Variants in MRPL39 observed in about 807,000 individuals in gnomAD.
MRPL39 encodes the protein large ribosomal subunit protein mL39.
Under a neutral mutation model 44.5 loss-of-function variants are expected in MRPL39, and 35 were observed. The observed-to-expected ratio is 0.79, with a 90% CI of 0.60 to 1.04. The LOEUF (loss-of-function observed/expected upper bound fraction) is 1.04, where lower values mean the gene tolerates loss of function less well. Among genes scored for constraint, MRPL39 ranks in the 50% least tolerant of loss-of-function variants. The pLI is 0.00. For synonymous variants in MRPL39, 139 were observed against 136.1 expected, an observed-to-expected ratio of 1.02 and a Z score of -0.15; for missense variants, 433 against 413.5, an observed-to-expected ratio of 1.05 and a Z score of -0.41.
At chr21:25,589,734 A>G (rs2031112601) in intron 8 of MRPL39, among the ~76,000 whole-genome samples, 1 of 152,270 alleles carries the variant, frequency 6.6e-6, no homozygotes, top group Non-Finnish European at 1.5e-5. Flanking sequence ...GAGCTCATAA[A>G]ATCTATAATA....
intron 3 of MRPL39, among the ~76,000 whole-genome samples, chr21:25,601,672 A>G (rs1378050273): frequency 6.6e-6 from 1 of 152,218 alleles, no homozygotes; most frequent in African/African-American, 2.4e-5. Context: ...CATGAACCTC[A>G]GGTTCTTAGC....
chr21:25,607,382 C>G, intron 1 of MRPL39, 21 bp downstream of exon 1: 5 of 1,613,746 alleles, frequency 3.1e-6, no homozygotes, highest in Non-Finnish European at 4.2e-6. Flanking sequence ...GCTCCCTGTC[C>G]CTACGGCCTC....
At chr21:25,594,256 T>TAC (rs1272022227) in intron 6 of MRPL39, among the ~76,000 whole-genome samples, 2 of 148,330 alleles carry the variant, frequency 1.3e-5, no homozygotes, top group Non-Finnish European at 3.0e-5. Context: ...GTTCTTTTTT[T>TAC]TTTTTTTTTT....
intron 2 of MRPL39, among the ~76,000 whole-genome samples, chr21:25,604,251 T>G (rs1485111190): frequency 6.6e-6 from 1 of 152,048 alleles, no homozygotes; most frequent in Non-Finnish European, 1.5e-5. Flanking sequence ...AGAGCGAGAC[T>G]CTGTCTCAAA....
chr21:25,586,861 CAG>C (rs1416090781), intron 9 of MRPL39, among the ~76,000 whole-genome samples: 1 of 152,130 alleles, frequency 6.6e-6, no homozygotes, highest in Non-Finnish European at 1.5e-5. Flanking sequence ...TTCTTTATGC[CAG>C]AGCCCCACAT....
At chr21:25,594,956 C>T (rs921211856) in intron 6 of MRPL39, among the ~76,000 whole-genome samples, 1 of 152,212 alleles carries the variant, frequency 6.6e-6, no homozygotes, top group Non-Finnish European at 1.5e-5. Flanking sequence ...TTCCTTGATT[C>T]CTTTCTCCTA....
intron 3 of MRPL39, among the ~76,000 whole-genome samples, chr21:25,602,617 TTA>T (rs1601382578): frequency 6.6e-6 from 1 of 152,190 alleles, no homozygotes. Flanking sequence ...ATTCGACCGT[TTA>T]TGTTACAAGA....
intron 3 of MRPL39, among the ~76,000 whole-genome samples, chr21:25,602,063 T>C (rs1178044735): frequency 6.6e-6 from 1 of 152,192 alleles, no homozygotes; most frequent in African/African-American, 2.4e-5. Context: ...TACCTGTCCA[T>C]TGTGTTCCCC....
chr21:25,589,421 A>AAT (rs2031102996), intron 8 of MRPL39, among the ~76,000 whole-genome samples: 1 of 148,570 alleles, frequency 6.7e-6, no homozygotes, highest in Non-Finnish European at 1.5e-5. Flanking sequence ...ACAATAGTAA[A>AAT]TTTTTTTTTT....
At chr21:25,601,124 G>A (rs4817034) in intron 4 of MRPL39, among the ~76,000 whole-genome samples, 106,625 of 151,924 alleles carry the variant, frequency 0.7, 38,867 homozygotes, top group Non-Finnish European at 0.82. Context: ...ATAAATAAAC[G>A]CTGAGATAGT....
chr21:25,596,738 G>A (rs1401814970), intron 6 of MRPL39, among the ~76,000 whole-genome samples: 1 of 151,632 alleles, frequency 6.6e-6, no homozygotes, highest in East Asian at 1.9e-4. Flanking sequence ...TTAGATTAAT[G>A]TTAAAATTTA....
At chr21:25,607,506 C>T (rs1215267350), upstream of MRPL39, 1 of 1,604,258 alleles carries the variant, frequency 6.2e-7, no homozygotes, top group Non-Finnish European at 8.5e-7. Context: ...CGCGCAAGTC[C>T]TTCTCCGCCC....
Position 25,606,515 on chromosome 21 carries a change from T to C in MRPL39, c.214A>G (p.Lys72Glu), listed in dbSNP as rs199984357. Reference sequence around the variant, plus strand: ...ACGAAGACAGTACCGGGGTCAGTTTTCCCAACATGCTTAACTTCTATCTTC... The same window carrying C: ...ACGAAGACAGTACCGGGGTCAGTTTCCCCAACATGCTTAACTTCTATCTTC... ...TEKIEVKHVG[K>E]TDPGTVFVMN... is the part of the protein sequence containing the mutation. The change falls in exon 2 of 10, where the codon AAA becomes GAA. Residue 72 changes from lysine to glutamate, a missense_variant. Lys to Glu is a moderately conservative substitution (Grantham distance 56). Transcript: ENST00000352957. 16 of 1,614,140 alleles carry C rather than the reference T, an allele frequency of 9.9e-6. No homozygotes were observed. The highest frequency in any genetic ancestry group is 1.6e-4 in the Middle Eastern group (1 of 6,062).
At chr21:25,593,438 G>T (rs1269233504) in intron 7 of MRPL39, among the ~76,000 whole-genome samples, 2 of 152,336 alleles carry the variant, frequency 1.3e-5, no homozygotes, top group South Asian at 2.1e-4. Context: ...GCATTGTCTT[G>T]GGACTTGCTC....
chr21:25,595,484 G>A (rs2031327758), intron 6 of MRPL39, among the ~76,000 whole-genome samples: 1 of 152,180 alleles, frequency 6.6e-6, no homozygotes, highest in African/African-American at 2.4e-5. Context: ...AAAAGTCCCA[G>A]AAGCCGCTAC....
chr21:25,599,139 C>G (rs1273550133), intron 5 of MRPL39, among the ~76,000 whole-genome samples: 1 of 152,202 alleles, frequency 6.6e-6, no homozygotes, highest in Non-Finnish European at 1.5e-5. Context: ...TACTGAGCAC[C>G]TGATCTAGAC....
intron 9 of MRPL39, among the ~76,000 whole-genome samples, chr21:25,588,618 C>T (rs879300664): frequency 1.3e-5 from 2 of 152,074 alleles, no homozygotes; most frequent in Admixed American, 6.5e-5. Context: ...ATCATTTTCA[C>T]GATATTAACA....
intron 6 of MRPL39, among the ~76,000 whole-genome samples, chr21:25,595,752 CT>C (rs780931495): frequency 6.6e-6 from 1 of 152,006 alleles, no homozygotes; most frequent in Non-Finnish European, 1.5e-5. Flanking sequence ...TTAACTTCAA[CT>C]TTTGTTTTGA....
At chr21:25,600,335 G>C (rs1211183249) in intron 4 of MRPL39, among the ~76,000 whole-genome samples, 1 of 139,708 alleles carries the variant, frequency 7.2e-6, no homozygotes, top group Non-Finnish European at 1.5e-5. Context: ...GGTGCAGGTT[G>C]CAGTGAGCCA....
Sources: gnomAD v4.1 joint callset for allele counts (sites outside exome capture counted in the v4.1 genomes callset) on GRCh38, gnomAD v4.1.1 for gene constraint, MANE v1.5 for transcripts, NCBI Gene and HGNC (gene_info 2026-07-23, HGNC 2026-07-21) for gene names.